Variants in TTLL11 observed in about 807,000 individuals in gnomAD.
TTLL11 encodes the protein tubulin polyglutamylase TTLL11.
TTLL11 carries 42 observed loss-of-function variants against 51.7 expected under a neutral mutation model. The observed-to-expected ratio is 0.81, with a 90% CI of 0.64 to 1.05. TTLL11 has a LOEUF of 1.05. Among genes scored for constraint, TTLL11 ranks in the 50% least tolerant of loss-of-function variants. TTLL11 has a pLI of 0.00. For missense variants in TTLL11, 799 were observed against 940.4 expected, an observed-to-expected ratio of 0.85 and a Z score of 1.97; for synonymous variants, 381 against 383.5, an observed-to-expected ratio of 0.99 and a Z score of 0.08.
chr9:122,076,859 G>A (rs1444353886), intron 1 of TTLL11, among the ~76,000 whole-genome samples: 1 of 152,026 alleles, frequency 6.6e-6, no homozygotes, highest in Admixed American at 6.6e-5. Flanking sequence ...GAATAAATCA[G>A]AAGAAATCCT....
chr9:122,075,909 C>T (rs1845845793), intron 1 of TTLL11, among the ~76,000 whole-genome samples: 1 of 152,108 alleles, frequency 6.6e-6, no homozygotes, highest in South Asian at 2.1e-4. Flanking sequence ...ATGTCATTTC[C>T]CTTTAAGGAA....
intron 6 of TTLL11, among the ~76,000 whole-genome samples, chr9:121,881,245 A>G (rs913716793): frequency 2.6e-4 from 40 of 152,348 alleles, no homozygotes; most frequent in African/African-American, 8.7e-4. Context: ...GTGTTTAAAC[A>G]CAGTTCTGTA....
intron 8 of TTLL11, among the ~76,000 whole-genome samples, chr9:121,832,871 C>T (rs950083949): frequency 2.6e-5 from 4 of 152,294 alleles, no homozygotes; most frequent in South Asian, 4.1e-4. Context: ...ACCCAGGAGG[C>T]GGATGTTTCA....
At chr9:121,988,801 T>A (rs1843005731) in intron 4 of TTLL11, 1 of 270,792 alleles carries the variant, frequency 3.7e-6, no homozygotes, top group Non-Finnish European at 6.9e-6. Context: ...TGACTTGCTG[T>A]CTCAATAGAA....
intron 8 of TTLL11, among the ~76,000 whole-genome samples, chr9:121,829,189 A>C (rs1333624847): frequency 6.6e-6 from 1 of 152,042 alleles, no homozygotes; most frequent in Non-Finnish European, 1.5e-5. Flanking sequence ...CCTGACCTAA[A>C]GCAATCCACC....
At chr9:122,072,788 C>G (rs981433509) in intron 1 of TTLL11, among the ~76,000 whole-genome samples, 1 of 152,158 alleles carries the variant, frequency 6.6e-6, no homozygotes, top group Admixed American at 6.5e-5. Flanking sequence ...TAGAGGAGAA[C>G]CCCTCTGACC....
chr9:121,897,994 C>T (rs1453886184), intron 6 of TTLL11, among the ~76,000 whole-genome samples: 1 of 151,440 alleles, frequency 6.6e-6, no homozygotes, highest in Non-Finnish European at 1.5e-5. Context: ...TCTCAGCTCA[C>T]TGCAATCTCT....
intron 8 of TTLL11, among the ~76,000 whole-genome samples, chr9:121,859,697 A>T (rs1837944576): frequency 6.6e-6 from 1 of 152,162 alleles, no homozygotes; most frequent in Non-Finnish European, 1.5e-5. Context: ...ACCCCTTCTC[A>T]CATCCCTTTT....
At chr9:121,928,018 T>C (rs549125928) in intron 6 of TTLL11, among the ~76,000 whole-genome samples, 1 of 152,188 alleles carries the variant, frequency 6.6e-6, no homozygotes, top group Non-Finnish European at 1.5e-5. Flanking sequence ...TTGGATATTA[T>C]GGAACATGCA....
At chr9:121,943,414 T>C (rs1057485188) in intron 6 of TTLL11, among the ~76,000 whole-genome samples, 4 of 152,304 alleles carry the variant, frequency 2.6e-5, no homozygotes, top group African/African-American at 7.2e-5. Flanking sequence ...TGTGAGTCCG[T>C]GAATGCAGGA....
rs386416145 is a variant in TTLL11, at chr9:122,062,462, C to CTTTTTTTTTT, written c.463-23104_463-23095dup. Among the ~76,000 whole-genome samples the CTTTTTTTTTT allele has an allele frequency of 6.8e-4, 53 of 77,704 alleles. 3 individuals are homozygous for CTTTTTTTTTT. The highest frequency in any genetic ancestry group is 7.4e-4 in the Non-Finnish European group (33 of 44,568). 51.0% of individuals were successfully genotyped at this position (77,704 alleles called of 152,430 possible). On this transcript the variant is annotated intron_variant, in intron 1 of 8. Coordinates refer to ENST00000321582, the MANE Select transcript of TTLL11 (RefSeq NM_001139442.2). ...AACTGTGCAAGATCTTTATATTATG[C>CTTTTTTTTTT]TTTTTTTTTTTTTTTTTTTTTTTTG...
At chr9:121,996,951 G>A (rs768796778) in intron 3 of TTLL11, among the ~76,000 whole-genome samples, 3 of 152,180 alleles carry the variant, frequency 2.0e-5, no homozygotes, top group Non-Finnish European at 4.4e-5. Flanking sequence ...CGTCAGTTCT[G>A]GGCCACGCTG....
chr9:121,864,766 G>A (rs1406430638), intron 7 of TTLL11, among the ~76,000 whole-genome samples: 1 of 152,174 alleles, frequency 6.6e-6, no homozygotes, highest in Non-Finnish European at 1.5e-5. Flanking sequence ...TAGGATGGGA[G>A]AGAATCACAA....
chr9:122,044,125 T>C (rs944413495), intron 1 of TTLL11, among the ~76,000 whole-genome samples: 13 of 152,218 alleles, frequency 8.5e-5, no homozygotes, highest in African/African-American at 2.9e-4. Flanking sequence ...TTTTTGTCCT[T>C]GCGATAGTTT....
intron 1 of TTLL11, among the ~76,000 whole-genome samples, chr9:122,069,893 C>A (rs901485322): frequency 6.6e-6 from 1 of 151,856 alleles, no homozygotes; most frequent in Non-Finnish European, 1.5e-5. Context: ...CTTGCTCCTG[C>A]TCATCATGGC....
At chr9:121,987,770 C>T (rs927644804) in intron 4 of TTLL11, among the ~76,000 whole-genome samples, 1 of 152,006 alleles carries the variant, frequency 6.6e-6, no homozygotes, top group African/African-American at 2.4e-5. Context: ...TTCCTGGCTC[C>T]CTCCCCCTCC....
intron 6 of TTLL11, among the ~76,000 whole-genome samples, chr9:121,927,098 C>T (rs1223562298): frequency 1.3e-5 from 2 of 152,174 alleles, no homozygotes; most frequent in African/African-American, 4.8e-5. Context: ...TGGGGCTGGC[C>T]GGTGGAGTTA....
intron 1 of TTLL11, among the ~76,000 whole-genome samples, chr9:122,053,092 G>A (rs888006125): frequency 1.3e-5 from 2 of 152,212 alleles, no homozygotes; most frequent in Non-Finnish European, 2.9e-5. Context: ...TGCTGGCAGA[G>A]AAAGCAGAAG....
intron 3 of TTLL11, among the ~76,000 whole-genome samples, chr9:122,014,476 C>T (rs766220582): frequency 2.0e-5 from 3 of 152,216 alleles, no homozygotes; most frequent in Non-Finnish European, 4.4e-5. Context: ...GACTTCTCCA[C>T]CTTCCCACCT....
Sources: gnomAD v4.1 joint callset for allele counts (sites outside exome capture counted in the v4.1 genomes callset) on GRCh38, gnomAD v4.1.1 for gene constraint, MANE v1.5 for transcripts, NCBI Gene and HGNC (gene_info 2026-07-23, HGNC 2026-07-21) for gene names.